Variants in XKR6 observed in about 807,000 individuals in gnomAD.
The protein encoded by XKR6 is XK-related protein 6.
XKR6 carries 22 observed loss-of-function variants against 56.7 expected under a neutral mutation model. The ratio of observed to expected loss-of-function variants is 0.39; its 90% confidence interval spans 0.28 to 0.55. The LOEUF (loss-of-function observed/expected upper bound fraction) is 0.55, where lower values mean the gene tolerates loss of function less well. Ranked by LOEUF, XKR6 falls within the 20% of genes least tolerant of loss-of-function variation. The pLI is 0.66. For missense variants in XKR6, 852 were observed against 889.0 expected, an observed-to-expected ratio of 0.96 and a Z score of 0.53; for synonymous variants, 524 against 387.8, an observed-to-expected ratio of 1.35 and a Z score of -4.13.
chr8:11,168,815 G>C (rs1808463380), intron 1 of XKR6, among the ~76,000 whole-genome samples: 1 of 152,192 alleles, frequency 6.6e-6, no homozygotes, highest in Non-Finnish European at 1.5e-5. Context: ...AGCCCACTCA[G>C]ATACAGGAAC....
chr8:11,058,658 A>AG (rs1335246627), intron 1 of XKR6, among the ~76,000 whole-genome samples: 1 of 152,132 alleles, frequency 6.6e-6, no homozygotes, highest in African/African-American at 2.4e-5. Context: ...GGACACCGGG[A>AG]GGGGAACATC....
At chr8:11,033,085 G>T (rs1300509014) in intron 1 of XKR6, among the ~76,000 whole-genome samples, 1 of 152,028 alleles carries the variant, frequency 6.6e-6, no homozygotes, top group African/African-American at 2.4e-5. Flanking sequence ...GATGGTAATG[G>T]TGATAATGAT....
intron 1 of XKR6, among the ~76,000 whole-genome samples, chr8:11,165,090 C>CATTT (rs762270947): frequency 1.2e-5 from 1 of 82,472 alleles, no homozygotes; most frequent in African/African-American, 5.2e-5. Flanking sequence ...AGGCTATCAC[C>CATTT]TTTTTTTTTT....
intron 1 of XKR6, among the ~76,000 whole-genome samples, chr8:10,958,138 C>T (rs1801953495): frequency 6.6e-6 from 1 of 152,174 alleles, no homozygotes; most frequent in South Asian, 2.1e-4. Context: ...GTTCTCATTG[C>T]TGTTTACCTA....
intron 1 of XKR6, among the ~76,000 whole-genome samples, chr8:11,002,979 T>A (rs1321674899): frequency 6.7e-6 from 1 of 149,994 alleles, no homozygotes; most frequent in African/African-American, 2.5e-5. Context: ...AGAAGGGGGG[T>A]CACTGGCTAA....
At chr8:10,954,531 A>G (rs1481744924) in intron 1 of XKR6, among the ~76,000 whole-genome samples, 1 of 152,114 alleles carries the variant, frequency 6.6e-6, no homozygotes, top group Admixed American at 6.5e-5. Flanking sequence ...ATTGAGTAGG[A>G]GTTCTCTGTT....
chr8:11,128,415 T>A (rs181663367), intron 1 of XKR6, among the ~76,000 whole-genome samples: 33 of 152,298 alleles, frequency 2.2e-4, no homozygotes, highest in Non-Finnish European at 4.6e-4. Context: ...TGAACTCCCG[T>A]CTCCTTCATC....
At chr8:11,186,352 TG>T (rs1803275365) in intron 1 of XKR6, among the ~76,000 whole-genome samples, 1 of 152,056 alleles carries the variant, frequency 6.6e-6, no homozygotes, top group African/African-American at 2.4e-5. Context: ...GGCATGTGAG[TG>T]GAAGTGATGT....
intron 2 of XKR6, among the ~76,000 whole-genome samples, chr8:10,912,275 TG>T (rs1220577527): frequency 1.2e-5 from 1 of 82,572 alleles, no homozygotes; most frequent in Non-Finnish European, 2.4e-5. Flanking sequence ...CAGAGAGAAA[TG>T]GTGTGTATAT....
At chr8:11,116,724 C>T (rs144805070) in intron 1 of XKR6, among the ~76,000 whole-genome samples, 40 of 152,226 alleles carry the variant, frequency 2.6e-4, no homozygotes, top group African/African-American at 9.4e-4. Flanking sequence ...GTTTCATTCG[C>T]CTCCCGAACT....
chr8:11,110,532 C>A (rs563124437), intron 1 of XKR6, among the ~76,000 whole-genome samples: 11 of 152,264 alleles, frequency 7.2e-5, no homozygotes, highest in Admixed American at 2.6e-4. Context: ...CTCTATAGTT[C>A]CGTGCATTCT....
chr8:10,928,646 TC>T (rs1347924643), intron 1 of XKR6, among the ~76,000 whole-genome samples: 5 of 144,742 alleles, frequency 3.5e-5, no homozygotes, highest in African/African-American at 8.7e-5. Flanking sequence ...GAAACGCCGC[TC>T]CAGGCAAGTG....
chr8:11,149,054 G>T (rs1041165460), intron 1 of XKR6, among the ~76,000 whole-genome samples: 1 of 152,176 alleles, frequency 6.6e-6, no homozygotes, highest in Non-Finnish European at 1.5e-5. Flanking sequence ...GGAAACTGTG[G>T]GGGTCTCAGG....
At chr8:11,089,496 G>A (rs1462932578) in intron 1 of XKR6, among the ~76,000 whole-genome samples, 1 of 152,090 alleles carries the variant, frequency 6.6e-6, no homozygotes, top group East Asian at 1.9e-4. Context: ...AAATAGCAGG[G>A]TGTATTGATG....
chr8:11,030,655 AG>A (rs1157276276), intron 1 of XKR6, among the ~76,000 whole-genome samples: 1 of 147,612 alleles, frequency 6.8e-6, no homozygotes. Context: ...GCGTGAGGGG[AG>A]GGACTCAGTT....
intron 1 of XKR6, among the ~76,000 whole-genome samples, chr8:11,050,333 C>T (rs760342845): frequency 4.0e-5 from 6 of 151,480 alleles, no homozygotes; most frequent in Admixed American, 3.3e-4. Flanking sequence ...CTGGTTGGAG[C>T]GAGTCACTTC....
chr8:11,178,547 AATATATAT>A (rs373879147), intron 1 of XKR6, among the ~76,000 whole-genome samples: 4 of 88,508 alleles, frequency 4.5e-5, no homozygotes, highest in East Asian at 2.2e-4. Flanking sequence ...GAGAGGTAAA[AATATATAT>A]ATATATATAT....
chr8:10,928,698 G>A (rs536152499), intron 1 of XKR6, among the ~76,000 whole-genome samples: 10 of 148,160 alleles, frequency 6.7e-5, no homozygotes, highest in African/African-American at 2.6e-4. Context: ...GCCAGGGCGC[G>A]GAGTGCAAGC....
At chr8:11,100,109 T>G (rs985027133) in intron 1 of XKR6, among the ~76,000 whole-genome samples, 2 of 152,162 alleles carry the variant, frequency 1.3e-5, no homozygotes, top group Non-Finnish European at 2.9e-5. Context: ...TGGAGTGCAG[T>G]AGCACAATCT....
Sources: gnomAD v4.1 joint callset for allele counts (sites outside exome capture counted in the v4.1 genomes callset) on GRCh38, gnomAD v4.1.1 for gene constraint, MANE v1.5 for transcripts, NCBI Gene and HGNC (gene_info 2026-07-23, HGNC 2026-07-21) for gene names.